Variants in BMPR1A observed in about 807,000 individuals in gnomAD.
The protein encoded by BMPR1A is bone morphogenetic protein receptor type-1A.
A neutral mutation model predicts 66.0 loss-of-function variants in BMPR1A; 7 were observed. That is an observed-to-expected ratio of 0.11 (90% CI 0.06 to 0.20). The LOEUF (loss-of-function observed/expected upper bound fraction) is 0.20, where lower values mean the gene tolerates loss of function less well. Among genes scored for constraint, BMPR1A ranks in the 10% least tolerant of loss-of-function variants. The pLI, the probability that BMPR1A is intolerant of heterozygous loss-of-function variation, is 1.00. For synonymous variants in BMPR1A, 200 were observed against 229.7 expected, an observed-to-expected ratio of 0.87 and a Z score of 1.17; for missense variants, 408 against 669.1, an observed-to-expected ratio of 0.61 and a Z score of 4.31.
In BMPR1A at chr10:86,756,798, A is replaced by G. The variant is rs1847875454; in HGVS notation, c.-389A>G. 1 of 150,950 alleles carries G rather than the reference A, an allele frequency of 6.6e-6. No individual in the cohort carries two copies. The allele number at this position is 150,950 out of a possible 1,614,324, so 9.4% of individuals were successfully genotyped here. On this transcript the variant is annotated 5_prime_UTR_variant, in exon 1 of 13. Coordinates refer to ENST00000372037, the MANE Select transcript of BMPR1A (RefSeq NM_004329.3). ...GATCGCACGGCCCGATCGAGGGGCG[A>G]CCGGGTCGGGGCCGCTGCACGCCAA... is the stretch of plus-strand genomic sequence containing the variant.
At chr10:86,851,657 G>T (rs1164157941) in intron 2 of BMPR1A, among the ~76,000 whole-genome samples, 1 of 152,186 alleles carries the variant, frequency 6.6e-6, no homozygotes, top group Non-Finnish European at 1.5e-5. Context: ...ATCAAGTCCT[G>T]AAGAGAACAT....
chr10:86,893,561 G>A (rs889170179), intron 5 of BMPR1A, among the ~76,000 whole-genome samples: 2 of 152,130 alleles, frequency 1.3e-5, no homozygotes, highest in African/African-American at 4.8e-5. Context: ...AAGCCGAGGC[G>A]GGTGGATCAC....
At chr10:86,848,356 C>A (rs1842514943) in intron 2 of BMPR1A, among the ~76,000 whole-genome samples, 1 of 152,072 alleles carries the variant, frequency 6.6e-6, no homozygotes, top group South Asian at 2.1e-4. Context: ...CAGTGCCTGG[C>A]CTATAGAGCT....
chr10:86,908,194 G>T (rs116855990), intron 7 of BMPR1A, among the ~76,000 whole-genome samples: 6,251 of 152,146 alleles, frequency 0.041, 186 homozygotes, highest in South Asian at 0.07. Flanking sequence ...ACAGAACAAG[G>T]CCCTGCCTCT....
chr10:86,833,287 C>T (rs1842299101), intron 1 of BMPR1A, among the ~76,000 whole-genome samples: 1 of 152,152 alleles, frequency 6.6e-6, no homozygotes, highest in South Asian at 2.1e-4. Context: ...TTTTAACTTG[C>T]ATCTTCCTAA....
intron 2 of BMPR1A, among the ~76,000 whole-genome samples, chr10:86,841,379 A>G (rs1017412436): frequency 6.6e-6 from 1 of 152,230 alleles, no homozygotes; most frequent in Non-Finnish European, 1.5e-5. Flanking sequence ...AATTACATAC[A>G]GCTATAATTT....
At chr10:86,871,268 T>C (rs970653522) in intron 2 of BMPR1A, among the ~76,000 whole-genome samples, 12 of 152,212 alleles carry the variant, frequency 7.9e-5, no homozygotes, top group African/African-American at 2.4e-4. Context: ...TTTGCACTTA[T>C]CATGAGTTAT....
Position 86,893,638 on chromosome 10 carries a change from A to T in BMPR1A, c.333+1409A>T, listed in dbSNP as rs549308333. Reference sequence around the variant, plus strand: ...TCCGTCTCTACTAAAAATACAAAAAATTAGCTGGACGTGGTGGCGGGTGCC... The same window carrying T: ...TCCGTCTCTACTAAAAATACAAAAATTTAGCTGGACGTGGTGGCGGGTGCC... On this transcript the variant is annotated intron_variant, in intron 5 of 12. Transcript: ENST00000372037. Among the ~76,000 whole-genome samples, 10 of 152,204 alleles carry T rather than the reference A, an allele frequency of 6.6e-5. No individual in the cohort carries two copies. The East Asian group carries it at 1.9e-3, about 29-fold the overall frequency.
intron 1 of BMPR1A, among the ~76,000 whole-genome samples, chr10:86,767,968 A>G (rs1424745621): frequency 6.6e-6 from 1 of 152,200 alleles, no homozygotes; most frequent in Non-Finnish European, 1.5e-5. Flanking sequence ...TTTTCCTGCA[A>G]CAGCCCATTG....
intron 2 of BMPR1A, among the ~76,000 whole-genome samples, chr10:86,865,497 G>A (rs927575760): frequency 2.6e-5 from 4 of 151,694 alleles, no homozygotes; most frequent in South Asian, 2.1e-4. Context: ...ATCTCCCTTC[G>A]CTGACTCTCT....
chr10:86,899,210 A>G (rs1053039518), intron 5 of BMPR1A, among the ~76,000 whole-genome samples: 1 of 152,242 alleles, frequency 6.6e-6, no homozygotes, highest in Non-Finnish European at 1.5e-5. Context: ...CTGCGCTTCC[A>G]GTGACTGTGT....
chr10:86,832,928 G>A (rs12776537), intron 1 of BMPR1A, among the ~76,000 whole-genome samples: 11,293 of 152,074 alleles, frequency 0.074, 879 homozygotes, highest in African/African-American at 0.19. Flanking sequence ...AGGAAATTTT[G>A]GATCCTGTGA....
chr10:86,882,292 A>G (rs1842999955), intron 3 of BMPR1A, among the ~76,000 whole-genome samples: 1 of 151,690 alleles, frequency 6.6e-6, no homozygotes, highest in Admixed American at 6.6e-5. Context: ...GCATGGTGGC[A>G]TGTGCCTGTA....
intron 2 of BMPR1A, among the ~76,000 whole-genome samples, chr10:86,852,599 G>A (rs1381857343): frequency 6.6e-6 from 1 of 152,144 alleles, no homozygotes; most frequent in Non-Finnish European, 1.5e-5. Flanking sequence ...ATATTAAAAC[G>A]TGTGTGAAAC....
intron 1 of BMPR1A, among the ~76,000 whole-genome samples, chr10:86,816,692 C>G (rs1842038658): frequency 6.6e-6 from 1 of 152,148 alleles, no homozygotes; most frequent in African/African-American, 2.4e-5. Flanking sequence ...TCTAAGAAAT[C>G]GAATGGCTTC....
intron 1 of BMPR1A, among the ~76,000 whole-genome samples, chr10:86,820,861 T>G (rs935298262): frequency 2.6e-5 from 4 of 152,196 alleles, no homozygotes; most frequent in African/African-American, 9.6e-5. Context: ...TTTGCAGTGT[T>G]TTAAATAATA....
intron 1 of BMPR1A, among the ~76,000 whole-genome samples, chr10:86,826,863 A>G (rs1160852714): frequency 6.6e-6 from 1 of 152,140 alleles, no homozygotes. Context: ...ACATTTATGT[A>G]CATTACATAA....
At position 86,776,600 on chromosome 10, in the gene BMPR1A, G is replaced by T. The variant is rs76319823; in HGVS notation, c.-268+19681G>T. On this transcript the variant is annotated intron_variant, in intron 1 of 12. Coordinates refer to ENST00000372037, the MANE Select transcript of BMPR1A (RefSeq NM_004329.3). ...AGACCCCCTTTCCTTGGGCCTGGAG[G>T]GGTTATCCTTTACCCCCTTTGCTAC... is the stretch of plus-strand genomic sequence containing the variant. 1.3e-3 allele frequency among the ~76,000 whole-genome samples: 201 copies of T among 152,138 alleles called. 3 individuals are homozygous for T. The East Asian group carries it at 0.021, about 16-fold the overall frequency.
intron 5 of BMPR1A, among the ~76,000 whole-genome samples, chr10:86,897,437 A>T (rs1490519979): frequency 1.3e-5 from 2 of 152,152 alleles, no homozygotes; most frequent in East Asian, 3.8e-4. Flanking sequence ...ATTCTTAGTG[A>T]AGCCACAATG....
Sources: gnomAD v4.1 joint callset for allele counts (sites outside exome capture counted in the v4.1 genomes callset) on GRCh38, gnomAD v4.1.1 for gene constraint, MANE v1.5 for transcripts, NCBI Gene and HGNC (gene_info 2026-07-23, HGNC 2026-07-21) for gene names.